The following TANC2 variants were observed in gnomAD, a reference collection of about 807,000 sequenced individuals.
TANC2 encodes the protein tetratricopeptide repeat, ankyrin repeat and coiled-coil containing 2, also known as protein TANC2.
Under a neutral mutation model 210.5 loss-of-function variants are expected in TANC2, and 26 were observed. The observed-to-expected ratio is 0.12, with a 90% confidence interval of 0.09 to 0.17. The LOEUF is 0.17. TANC2 is among the 10% of genes least tolerant of loss of function. TANC2 has a pLI of 1.00. For missense variants in TANC2, 2,129 were observed against 2,608.9 expected (o/e 0.82, Z 4.01); for synonymous variants, 931 against 967.1 (o/e 0.96, Z 0.69).
At chr17:63,399,696 T>C (rs1021658283) in intron 19 of TANC2, among the ~76,000 whole-genome samples, 12 of 152,204 alleles carry the variant, frequency 7.9e-5, no homozygotes, top group African/African-American at 2.7e-4. Context: ...ATGGCCAATC[T>C]AGGGAGAATA....
Position 63,358,372 on chromosome 17 carries a change from A to T in TANC2, c.2582+2982A>T, listed in dbSNP as rs1411590717. On this transcript the variant is annotated intron_variant, in intron 14 of 27. Transcript: ENST00000689528. ...TAGAGTGAGAGAGAGAGAGAGAGAG[A>T]GAGAGTATGTGTGTGTGTGTGTGTG... Among the ~76,000 whole-genome samples the T allele has an allele frequency of 4.4e-3, 511 of 114,930 alleles. 1 individual carries two copies. Among genetic ancestry groups the T allele is most frequent in the African/African-American group, 0.019 (487 of 25,150 alleles). The allele number at this position is 114,930 out of a possible 152,430, so 75.4% of individuals were successfully genotyped here. A position where few individuals can be genotyped will look rare whatever the true frequency, so the allele number is the denominator to read the frequency against.
At chr17:63,133,040 C>T (rs2038971678) in intron 4 of TANC2, among the ~76,000 whole-genome samples, 1 of 152,202 alleles carries the variant, frequency 6.6e-6, no homozygotes, top group South Asian at 2.1e-4. Flanking sequence ...GTGGCGCAAT[C>T]TCGGCTCACT....
At chr17:63,408,056 G>A (rs1046174972) in intron 21 of TANC2, among the ~76,000 whole-genome samples, 1 of 152,192 alleles carries the variant, frequency 6.6e-6, no homozygotes, top group Non-Finnish European at 1.5e-5. Flanking sequence ...GCAGAGTTAT[G>A]CTTTAAAAAC....
chr17:62,980,613 T>G (rs2032252521), intron 1 of TANC2, among the ~76,000 whole-genome samples: 1 of 152,194 alleles, frequency 6.6e-6, no homozygotes, highest in Admixed American at 6.5e-5. Flanking sequence ...ATCTTAGCCA[T>G]TCAACTCTGT....
rs2147289368 is a variant in TANC2 at position 63,406,136 on chromosome 17, G to A, written c.3466-18G>A. 6.2e-7 allele frequency: 1 copy of A among 1,613,450 alleles called. No homozygotes were observed. Among genetic ancestry groups the A allele is most frequent in the Non-Finnish European group, 8.5e-7 (1 of 1,179,558 alleles). On this transcript the variant is annotated intron_variant, in intron 20 of 27. Coordinates refer to ENST00000689528, the Ensembl canonical transcript of TANC2. ...CTCTTCTTTGGGCTAATTGGTCCCT[G>A]TTTCTCTGCACTTGCAGATTGTTGA... is the stretch of plus-strand genomic sequence containing the variant.
chr17:63,351,217 A>T, intron 12 of TANC2, 33 bp from the exon 13 acceptor site: 2 of 1,549,088 alleles, frequency 1.3e-6, no homozygotes, highest in African/African-American at 1.4e-5. Context: ...TCCACTTGGT[A>T]ATTATTAAGT....
At chr17:63,246,488 C>T (rs769669791) in intron 8 of TANC2, among the ~76,000 whole-genome samples, 39 of 152,124 alleles carry the variant, frequency 2.6e-4, no homozygotes, top group Non-Finnish European at 5.1e-4. Flanking sequence ...CATTCCCTCT[C>T]CCAGTTCCCA....
At position 63,022,340 on chromosome 17, in the gene TANC2, CA is replaced by C. The variant is rs71155967; in HGVS notation, c.67+12728del. ...TGGGCCACAGAGCGAAACTCCATCTCAAAAAAAAAAAAAAGAATGACAAACT... is the reference window on the plus strand; with the variant it reads ...TGGGCCACAGAGCGAAACTCCATCTCAAAAAAAAAAAAAGAATGACAAACT... On this transcript the variant is annotated intron_variant, in intron 2 of 27. Coordinates refer to ENST00000689528, the Ensembl canonical transcript of TANC2. Among the ~76,000 whole-genome samples the C allele has an allele frequency of 1.3e-3, 178 of 138,026 alleles. 1 individual carries two copies. The highest frequency in any genetic ancestry group is 4.1e-3 in the African/African-American group (149 of 36,570). The allele number at this position is 138,026 out of a possible 152,430, so 90.6% of individuals were successfully genotyped here.
At chr17:63,282,969 C>T (rs1270847725) in intron 9 of TANC2, among the ~76,000 whole-genome samples, 1 of 151,828 alleles carries the variant, frequency 6.6e-6, no homozygotes, top group Non-Finnish European at 1.5e-5. Context: ...TTTAGATGTC[C>T]AACTTGTGAA....
At chr17:63,344,669 A>G (rs2046343358) in intron 12 of TANC2, among the ~76,000 whole-genome samples, 1 of 152,258 alleles carries the variant, frequency 6.6e-6, no homozygotes, top group Admixed American at 6.5e-5. Context: ...TATAAAGTCA[A>G]TGTACAAATA....
chr17:63,027,875 C>CA (rs944173627), intron 2 of TANC2, among the ~76,000 whole-genome samples: 169 of 151,916 alleles, frequency 1.1e-3, no homozygotes, highest in African/African-American at 4.0e-3. Flanking sequence ...ACTCAGTAAC[C>CA]AAAAATTTGA....
intron 6 of TANC2, among the ~76,000 whole-genome samples, chr17:63,196,870 C>A (rs557141697): frequency 1.3e-5 from 2 of 152,194 alleles, no homozygotes; most frequent in African/African-American, 4.8e-5. Flanking sequence ...CATTCATATT[C>A]CAATTTTCAA....
intron 7 of TANC2, among the ~76,000 whole-genome samples, chr17:63,203,242 G>T (rs1487531955): frequency 6.6e-6 from 1 of 151,992 alleles, no homozygotes; most frequent in Non-Finnish European, 1.5e-5. Context: ...TCTTAAAACC[G>T]TAAGTTTTTT....
intron 2 of TANC2, among the ~76,000 whole-genome samples, chr17:63,057,742 G>A (rs2035855568): frequency 1.3e-5 from 2 of 152,126 alleles, no homozygotes; most frequent in Admixed American, 1.3e-4. Context: ...CTCCATCCAT[G>A]TTCTTGCAAA....
At chr17:63,047,920 G>A (rs1411418043) in intron 2 of TANC2, among the ~76,000 whole-genome samples, 3 of 152,150 alleles carry the variant, frequency 2.0e-5, no homozygotes, top group Non-Finnish European at 4.4e-5. Flanking sequence ...ATGAATAAGT[G>A]GATAGCTGTG....
chr17:63,326,198 A>T (rs1471174848), intron 11 of TANC2, among the ~76,000 whole-genome samples: 1 of 152,212 alleles, frequency 6.6e-6, no homozygotes, highest in African/African-American at 2.4e-5. Flanking sequence ...AGACAAGTGG[A>T]ATAGAATAAA....
chr17:63,156,631 TTA>T (rs2039848964), intron 5 of TANC2, among the ~76,000 whole-genome samples: 1 of 152,144 alleles, frequency 6.6e-6, no homozygotes, highest in African/African-American at 2.4e-5. Context: ...TTATTACTGG[TTA>T]TGGAAATAAG....
chr17:63,372,365 A>T (rs2047294514), intron 14 of TANC2, among the ~76,000 whole-genome samples: 1 of 152,180 alleles, frequency 6.6e-6, no homozygotes, highest in South Asian at 2.1e-4. Context: ...GTAGTAGGGT[A>T]CAGTGTGGAA....
At chr17:63,213,930 A>G (rs1286274530) in intron 7 of TANC2, among the ~76,000 whole-genome samples, 1 of 152,210 alleles carries the variant, frequency 6.6e-6, no homozygotes, top group East Asian at 1.9e-4. Flanking sequence ...AAAAGTTTAT[A>G]TGTTAAGACC....
Sources: gnomAD v4.1 joint callset for allele counts (sites outside exome capture counted in the v4.1 genomes callset) on GRCh38, gnomAD v4.1.1 for gene constraint, MANE v1.5 for transcripts, NCBI Gene and HGNC (gene_info 2026-07-23, HGNC 2026-07-21) for gene names.